The following CD5 variants were observed in gnomAD, a reference collection of about 807,000 sequenced individuals.
CD5 encodes T-cell surface glycoprotein CD5.
In CD5, 36 loss-of-function variants were observed where a neutral mutation model predicts 60.3. That is an observed-to-expected ratio of 0.60 (90% confidence interval 0.46 to 0.79). The LOEUF (loss-of-function observed/expected upper bound fraction) is 0.79. Ranked by LOEUF, CD5 falls within the 30% of genes least tolerant of loss-of-function variation. The pLI, the probability that CD5 is intolerant of heterozygous loss-of-function variation, is 0.00. For missense variants in CD5, 540 were observed against 630.6 expected (o/e 0.86, Z 1.54); for synonymous variants, 230 against 257.6 (o/e 0.89, Z 1.03).
intron 8 of CD5, 131 bp downstream of exon 8, chr11:61,124,068 C>T: frequency 2.7e-6 from 2 of 732,566 alleles, no homozygotes; most frequent in Non-Finnish European, 4.7e-6. Context: ...CGGTGCTTGT[C>T]TGACATGTGA....
chr11:61,099,877 CAT>C (rs1421210172), upstream of CD5, among the ~76,000 whole-genome samples: 3 of 151,412 alleles, frequency 2.0e-5, no homozygotes, highest in South Asian at 2.1e-4. Context: ...ACATGGAGAT[CAT>C]ACACACACAT....
intron 5 of CD5, among the ~76,000 whole-genome samples, chr11:61,121,022 C>T (rs928805584): frequency 6.6e-6 from 1 of 152,248 alleles, no homozygotes; most frequent in East Asian, 1.9e-4. Context: ...CTCCCAGGCC[C>T]CACCCTGGCA....
chr11:61,114,485 A>T (rs1332473144), intron 1 of CD5, among the ~76,000 whole-genome samples: 1 of 141,856 alleles, frequency 7.0e-6, no homozygotes, highest in Non-Finnish European at 1.5e-5. Context: ...CATACATAGT[A>T]AAAAAATTAG....
At chr11:61,100,263 TCA>T (rs1199822713), upstream of CD5, among the ~76,000 whole-genome samples, 16 of 89,866 alleles carry the variant, frequency 1.8e-4, no homozygotes, top group African/African-American at 8.0e-4. Flanking sequence ...AACATGGAGA[TCA>T]CACACACATC....
Position 61,125,683 on chromosome 11 carries a change from G to A in CD5, c.1400-68G>A, listed in dbSNP as rs924257732. 1.3e-5 allele frequency: 14 copies of A among 1,085,564 alleles called. No homozygotes were observed. In the South Asian group the frequency reaches 1.3e-4, roughly 10 times the overall value. 67.2% of individuals were successfully genotyped at this position (1,085,564 alleles called of 1,614,324 possible). ...GATCTTCCAACCCACTGTGGGCAGC[G>A]GCTCTAGGATCCAAGGGGCTCTGTG... On this transcript the variant is annotated intron_variant, in intron 9 of 10. Transcript: ENST00000347785.
chr11:61,117,188 C>A (rs1243487099), intron 2 of CD5, among the ~76,000 whole-genome samples: 1 of 152,208 alleles, frequency 6.6e-6, no homozygotes, highest in African/African-American at 2.4e-5. Flanking sequence ...AGCTAAATCT[C>A]AAATACATGC....
upstream of CD5, among the ~76,000 whole-genome samples, chr11:61,101,024 A>T (rs1860673430): frequency 7.8e-6 from 1 of 128,324 alleles, no homozygotes; most frequent in Non-Finnish European, 1.6e-5. Context: ...TGGAGATCAC[A>T]CACACACATC....
chr11:61,109,646 G>C (rs1053359232), intron 1 of CD5, among the ~76,000 whole-genome samples: 1 of 152,104 alleles, frequency 6.6e-6, no homozygotes, highest in African/African-American at 2.4e-5. Flanking sequence ...GGAATGAGAG[G>C]GACAGGGAGG....
At chr11:61,124,759 G>A (rs1360242293) in intron 8 of CD5, among the ~76,000 whole-genome samples, 1 of 151,778 alleles carries the variant, frequency 6.6e-6, no homozygotes, top group African/African-American at 2.4e-5. Flanking sequence ...TCTCCTGCTT[G>A]GTAAATGCTT....
upstream of CD5, among the ~76,000 whole-genome samples, chr11:61,100,400 T>C (rs1213173525): frequency 3.9e-5 from 5 of 127,162 alleles, no homozygotes; most frequent in Non-Finnish European, 8.0e-5. Context: ...CACATCAACA[T>C]GGAGATCACA....
chr11:61,124,651 T>C (rs1861119672), intron 8 of CD5, among the ~76,000 whole-genome samples: 1 of 152,024 alleles, frequency 6.6e-6, no homozygotes, highest in Non-Finnish European at 1.5e-5. Context: ...TCTGTTGAAT[T>C]TGTTATTAAG....
chr11:61,119,643 G>A (rs1203783203), intron 5 of CD5, 68 bp downstream of exon 5: 20 of 1,112,414 alleles, frequency 1.8e-5, no homozygotes, highest in Non-Finnish European at 2.6e-5. Flanking sequence ...GAGCATCCCA[G>A]AAGGTCAGGG....
At chr11:61,113,735 C>T (rs1042499132) in intron 1 of CD5, among the ~76,000 whole-genome samples, 2 of 152,076 alleles carry the variant, frequency 1.3e-5, no homozygotes, top group African/African-American at 2.4e-5. Context: ...GTGGTGCAAT[C>T]TCAGCTCACT....
chr11:61,120,579 T>A (rs1011603212), intron 5 of CD5, among the ~76,000 whole-genome samples: 1 of 152,196 alleles, frequency 6.6e-6, no homozygotes, highest in Non-Finnish European at 1.5e-5. Context: ...CAGCAGCAGC[T>A]GGTTAGAAAT....
At chr11:61,101,212 A>C (rs1207370142), upstream of CD5, among the ~76,000 whole-genome samples, 5 of 105,718 alleles carry the variant, frequency 4.7e-5, 1 homozygote, top group African/African-American at 1.6e-4. Context: ...CAACATGGAG[A>C]TCACACACAC....
At chr11:61,124,504 C>G (rs994058339) in intron 8 of CD5, among the ~76,000 whole-genome samples, 1 of 152,078 alleles carries the variant, frequency 6.6e-6, no homozygotes, top group Non-Finnish European at 1.5e-5. Context: ...CAGCCCAACA[C>G]CATCCCTGGT....
chr11:61,101,133 AC>A (rs200150922), upstream of CD5, among the ~76,000 whole-genome samples: 2,293 of 107,438 alleles, frequency 0.021, 417 homozygotes, highest in South Asian at 0.075. Context: ...ACACACATCA[AC>A]ATGGAGATTA....
In CD5 at chr11:61,119,425, G is replaced by C. The variant is rs774528216; in HGVS notation, c.655G>C (p.Gly219Arg). 6.2e-6 allele frequency: 10 copies of C among 1,614,052 alleles called. No individual in the cohort carries two copies. Among genetic ancestry groups the C allele is most frequent in the Non-Finnish European group, 7.6e-6 (9 of 1,180,030 alleles). The change falls in exon 5 of 11, where the codon GGC (glycine) becomes CGC (arginine). Residue 219 changes from glycine to arginine, a missense_variant. Transcript: ENST00000347785. ...GAAGCATCTGCCAGAGACTGAGGCA[G>C]GCAGAGCCCAAGACCCAGGGGAGCC... ...FLKHLPETEA[G>R]RAQDPGEPRE...
chr11:61,125,426 G>A (rs1412431941), intron 9 of CD5, among the ~76,000 whole-genome samples: 2 of 152,156 alleles, frequency 1.3e-5, no homozygotes, highest in Non-Finnish European at 2.9e-5. Flanking sequence ...TGACCTAATG[G>A]GCCTGTTTCC....
Sources: allele counts gnomAD v4.1 joint callset (sites outside exome capture counted in the v4.1 genomes callset), GRCh38; gene constraint gnomAD v4.1.1; transcripts MANE v1.5; gene names NCBI Gene and HGNC (gene_info 2026-07-23, HGNC 2026-07-21).